ADAM7: variants seen among roughly 807,000 people sequenced by gnomAD.
ADAM7 encodes the protein ADAM metallopeptidase domain 7.
Under a neutral mutation model 102.9 loss-of-function variants are expected in ADAM7, and 97 were observed. The observed-to-expected ratio is 0.94, with a 90% CI of 0.80 to 1.12. The LOEUF (loss-of-function observed/expected upper bound fraction) is 1.12, where lower values mean the gene tolerates loss of function less well. ADAM7 is among the 50% of genes most tolerant of loss of function. ADAM7 has a pLI of 0.00. For synonymous variants in ADAM7, 334 were observed against 304.4 expected (o/e 1.10, Z -1.01); for missense variants, 991 against 908.7 (o/e 1.09, Z -1.16).
At chr8:24,448,796 C>T (rs1351461935) in intron 3 of ADAM7, among the ~76,000 whole-genome samples, 1 of 151,976 alleles carries the variant, frequency 6.6e-6, no homozygotes, top group African/African-American at 2.4e-5. Flanking sequence ...TCTCCTAATG[C>T]TATCCCTCCC....
Position 24,508,649 on chromosome 8 carries a change from G to A in ADAM7, c.*103G>A, listed in dbSNP as rs1821029401. 6.3e-7 allele frequency: 1 copy of A among 1,586,086 alleles called. No individual in the cohort carries two copies. The highest frequency in any genetic ancestry group is 1.3e-5 in the African/African-American group (1 of 74,080). On this transcript the variant is annotated 3_prime_UTR_variant, in exon 22 of 22. Coordinates refer to ENST00000175238, the MANE Select transcript of ADAM7 (RefSeq NM_003817.4). Reference sequence around the variant, plus strand: ...TAGATATCTGCTACTCACATTTTTGGTAGTGTTTCAAACGTTCTTTATCCA... The same window carrying A: ...TAGATATCTGCTACTCACATTTTTGATAGTGTTTCAAACGTTCTTTATCCA...
At chr8:24,445,689 G>GTTTCT (rs1818531106) in intron 2 of ADAM7, among the ~76,000 whole-genome samples, 1 of 152,146 alleles carries the variant, frequency 6.6e-6, no homozygotes, top group Non-Finnish European at 1.5e-5. Context: ...TGCTTGCTAT[G>GTTTCT]GCATGTTTCT....
In ADAM7 at chr8:24,509,470, T is replaced by A; in HGVS notation, c.*924T>A. 1 of 984,768 alleles carries A rather than the reference T, an allele frequency of 1.0e-6. No individual in the cohort carries two copies. The highest frequency in any genetic ancestry group is 1.2e-6 in the Non-Finnish European group (1 of 829,328). The allele number at this position is 984,768 out of a possible 1,614,324, so 61.0% of individuals were successfully genotyped here. ...TGTGAACTGTTAAAGCTACATGCAT[T>A]ATTTTTTTTCCATTTACTGAAATAA... On this transcript the variant is annotated 3_prime_UTR_variant, in exon 22 of 22. Coordinates refer to ENST00000175238, the MANE Select transcript of ADAM7 (RefSeq NM_003817.4).
chr8:24,490,634 C>T, intron 12 of ADAM7, 165 bp from the exon 13 acceptor site: 3 of 628,174 alleles, frequency 4.8e-6, no homozygotes, highest in Non-Finnish European at 5.5e-6. Flanking sequence ...AGTTAAAGTC[C>T]CAAATACCCG....
At chr8:24,476,366 G>A in intron 7 of ADAM7, 67 bp from the exon 8 acceptor site, 1 of 1,183,304 alleles carries the variant, frequency 8.5e-7, no homozygotes, top group African/African-American at 1.5e-5. Context: ...GATGAATGAA[G>A]TATTTTGTTG....
At chr8:24,488,905 G>T (rs1280764030) in intron 11 of ADAM7, among the ~76,000 whole-genome samples, 2 of 152,112 alleles carry the variant, frequency 1.3e-5, no homozygotes, top group Non-Finnish European at 2.9e-5. Flanking sequence ...AGTAAACACA[G>T]ACAACCAGTC....
intron 7 of ADAM7, among the ~76,000 whole-genome samples, chr8:24,475,081 G>C (rs925502068): frequency 6.6e-6 from 1 of 152,158 alleles, no homozygotes; most frequent in African/African-American, 2.4e-5. Context: ...AACACTGACA[G>C]CTAGCAAGTT....
intron 16 of ADAM7, among the ~76,000 whole-genome samples, chr8:24,496,265 A>G (rs1249577252): frequency 6.6e-6 from 1 of 152,226 alleles, no homozygotes; most frequent in Non-Finnish European, 1.5e-5. Context: ...TAGATTTCAG[A>G]AGATGTATGG....
At chr8:24,469,302 G>C (rs893575898) in intron 7 of ADAM7, among the ~76,000 whole-genome samples, 23 of 152,114 alleles carry the variant, frequency 1.5e-4, no homozygotes, top group Non-Finnish European at 3.1e-4. Context: ...GAGCCATAAA[G>C]GGCTGCCCAT....
intron 18 of ADAM7, 106 bp from the exon 19 acceptor site, chr8:24,500,684 T>TC: frequency 1.2e-6 from 1 of 824,008 alleles, no homozygotes; most frequent in Non-Finnish European, 1.9e-6. Context: ...GAATTGAAGT[T>TC]CTATAGAAAG....
At chr8:24,441,269 T>G in intron 1 of ADAM7, 109 bp downstream of exon 1, 1 of 1,114,536 alleles carries the variant, frequency 9.0e-7, no homozygotes, top group South Asian at 1.3e-5. Context: ...GTTGATGATT[T>G]TTCTGAGAGC....
intron 3 of ADAM7, among the ~76,000 whole-genome samples, chr8:24,448,462 T>C (rs1818649356): frequency 6.6e-6 from 1 of 152,162 alleles, no homozygotes; most frequent in Non-Finnish European, 1.5e-5. Flanking sequence ...CAACACTGCC[T>C]CATTCCCTCA....
At chr8:24,508,402 G>T in intron 21 of ADAM7, 144 bp from the exon 22 acceptor site, 1 of 756,324 alleles carries the variant, frequency 1.3e-6, no homozygotes, top group Non-Finnish European at 2.2e-6. Flanking sequence ...AATGGCTAGG[G>T]AGATCTATAA....
chr8:24,454,559 C>A (rs181241721), intron 3 of ADAM7, among the ~76,000 whole-genome samples: 1 of 152,272 alleles, frequency 6.6e-6, no homozygotes, highest in African/African-American at 2.4e-5. Flanking sequence ...CATCTGTCAC[C>A]CCTTTCTTTG....
In ADAM7 at chr8:24,489,349, G is replaced by A; in HGVS notation, c.1266+16G>A. On this transcript the variant is annotated intron_variant, in intron 12 of 21. Transcript: ENST00000175238. ...CCCTGCTCAGGTATTTGCAAATGAA[G>A]CTATCTTTAAATTGCAAAATTTATG... 6.3e-7 allele frequency: 1 copy of A among 1,592,896 alleles called. No homozygotes were observed. Among genetic ancestry groups the A allele is most frequent in the Non-Finnish European group, 8.5e-7 (1 of 1,170,126 alleles).
At chr8:24,497,583 T>A (rs913684357) in intron 16 of ADAM7, among the ~76,000 whole-genome samples, 20 of 151,856 alleles carry the variant, frequency 1.3e-4, no homozygotes, top group Non-Finnish European at 2.8e-4. Context: ...AACCAGGAAA[T>A]AGAGTTCTAA....
chr8:24,485,881 G>A (rs1820126696), intron 10 of ADAM7, among the ~76,000 whole-genome samples: 1 of 152,082 alleles, frequency 6.6e-6, no homozygotes, highest in African/African-American at 2.4e-5. Flanking sequence ...AACCCCATCT[G>A]AGAGATGCTT....
intron 7 of ADAM7, among the ~76,000 whole-genome samples, chr8:24,474,087 T>C (rs1404049412): frequency 6.6e-6 from 1 of 152,118 alleles, no homozygotes; most frequent in Non-Finnish European, 1.5e-5. Flanking sequence ...TGTCACCAGA[T>C]TTCTTTCAAC....
intron 3 of ADAM7, among the ~76,000 whole-genome samples, chr8:24,455,670 T>C (rs920445462): frequency 1.3e-5 from 2 of 152,252 alleles, no homozygotes; most frequent in Non-Finnish European, 2.9e-5. Flanking sequence ...CCTCCCAAAG[T>C]GCTAGGATTA....
Sources: gnomAD v4.1 joint callset for allele counts (sites outside exome capture counted in the v4.1 genomes callset) on GRCh38, gnomAD v4.1.1 for gene constraint, MANE v1.5 for transcripts, NCBI Gene and HGNC (gene_info 2026-07-23, HGNC 2026-07-21) for gene names.